The following GOLT1B variants were observed in gnomAD, a reference collection of about 807,000 sequenced individuals.
GOLT1B encodes golgi transport 1B, also known as vesicle transport protein GOT1B.
Under a neutral mutation model 15.4 loss-of-function variants are expected in GOLT1B, and 3 were observed. The ratio of observed to expected loss-of-function variants is 0.19; its 90% CI spans 0.09 to 0.50. GOLT1B has a LOEUF of 0.50. Among genes scored for constraint, GOLT1B ranks in the 20% least tolerant of loss-of-function variants. The pLI is 0.97. For missense variants in GOLT1B, 145 were observed against 160.4 expected (o/e 0.90, Z 0.52); for synonymous variants, 65 against 56.2 (o/e 1.16, Z -0.70).
chr12:21,503,141 G>A (rs1943650487), intron 1 of GOLT1B, among the ~76,000 whole-genome samples: 1 of 152,174 alleles, frequency 6.6e-6, no homozygotes, highest in South Asian at 2.1e-4. Flanking sequence ...TCTGATCAAA[G>A]AAAATAAAAG....
intron 3 of GOLT1B, among the ~76,000 whole-genome samples, chr12:21,510,702 C>T (rs998510661): frequency 3.9e-5 from 6 of 152,198 alleles, no homozygotes; most frequent in African/African-American, 1.4e-4. Flanking sequence ...TTCATTACTA[C>T]TAGAAAATGA....
At chr12:21,507,828 A>AT in intron 2 of GOLT1B, 1 of 381,244 alleles carries the variant, frequency 2.6e-6, no homozygotes, top group South Asian at 2.0e-5. Context: ...ACATGGTTGT[A>AT]TTTTTATTTC....
At chr12:21,507,394 G>A (rs1236841032) in intron 2 of GOLT1B, 1 of 212,450 alleles carries the variant, frequency 4.7e-6, no homozygotes, top group Non-Finnish European at 9.5e-6. Flanking sequence ...CTATGTTAAT[G>A]GTTGACTTGC....
At chr12:21,502,993 A>G (rs1943647788) in intron 1 of GOLT1B, among the ~76,000 whole-genome samples, 2 of 152,312 alleles carry the variant, frequency 1.3e-5, no homozygotes, top group South Asian at 4.1e-4. Flanking sequence ...GACCAACTTC[A>G]CAGAGCTTCT....
intron 4 of GOLT1B, among the ~76,000 whole-genome samples, chr12:21,514,088 G>C (rs545885612): frequency 1.3e-5 from 2 of 152,288 alleles, no homozygotes; most frequent in African/African-American, 4.8e-5. Context: ...ATTTCTAAAA[G>C]AATCTAGGTG....
At chr12:21,515,576 G>C (rs1417995005) in intron 4 of GOLT1B, 93 bp from the exon 5 acceptor site, 3 of 724,550 alleles carry the variant, frequency 4.1e-6, no homozygotes, top group Non-Finnish European at 4.8e-6. Context: ...TTCTTGTAAG[G>C]CTGGGTTTTT....
chr12:21,518,279 A>G lies in GOLT1B; in HGVS notation c.*2572A>G, dbSNP rs529720811. The G allele has an allele frequency of 3.4e-4, 52 of 152,280 alleles. No individual in the cohort carries two copies. Among genetic ancestry groups the G allele is most frequent in the African/African-American group, 1.2e-3 (48 of 41,584 alleles). 9.4% of individuals were successfully genotyped at this position (152,280 alleles called of 1,614,324 possible). A position where few individuals can be genotyped will look rare whatever the true frequency, so the allele number is the denominator to read the frequency against. On this transcript the variant is annotated 3_prime_UTR_variant, in exon 5 of 5. Transcript: ENST00000229314. ...GTTCTATTTATCAAATGATCTTCAC[A>G]TCTTTCATTTCCAAATTGTTGAAAT... is the stretch of plus-strand genomic sequence containing the variant.
rs11046093 is a variant in GOLT1B at position 21,508,773 on chromosome 12, C to G, written c.296+212C>G. Among the ~76,000 whole-genome samples, 71,498 of 152,018 alleles carry G rather than the reference C, an allele frequency of 0.47. 17,654 individuals are homozygous for G. The highest frequency in any genetic ancestry group is 0.67 in the East Asian group (3,477 of 5,168). ...AATGGTATAAATTATCTTGTTTTGT[C>G]AGCACAATAAAGTTTATTTTATTGG... On this transcript the variant is annotated intron_variant, in intron 3 of 4. Transcript: ENST00000229314.
chr12:21,507,378 A>G (rs1943686254), intron 2 of GOLT1B: 2 of 215,686 alleles, frequency 9.3e-6, no homozygotes, highest in Non-Finnish European at 1.9e-5. Context: ...TTAAAAATAT[A>G]TATTTCTATG....
rs536950746 is a variant in GOLT1B, at chr12:21,506,704, A to G, written c.26-181A>G. Reference sequence around the variant, plus strand: ...CATTCATGTTTTAAATTTTGAAATAATTTGCTGATAATTAATTTGTTATAA... The same window carrying G: ...CATTCATGTTTTAAATTTTGAAATAGTTTGCTGATAATTAATTTGTTATAA... On this transcript the variant is annotated intron_variant, in intron 1 of 4. Coordinates refer to ENST00000229314, the MANE Select transcript of GOLT1B (RefSeq NM_016072.5). Among the ~76,000 whole-genome samples the G allele has an allele frequency of 2.6e-5, 4 of 152,130 alleles. No individual in the cohort carries two copies. In the South Asian group the frequency reaches 8.3e-4, roughly 31 times the overall value.
chr12:21,516,802 C>T lies in GOLT1B; in HGVS notation c.*1095C>T, dbSNP rs1164606382. The T allele has an allele frequency of 1.3e-5, 2 of 151,942 alleles. No homozygotes were observed. Among genetic ancestry groups the T allele is most frequent in the Non-Finnish European group, 2.9e-5 (2 of 67,890 alleles). 9.4% of individuals were successfully genotyped at this position (151,942 alleles called of 1,614,324 possible). A position where few individuals can be genotyped will look rare whatever the true frequency, so the allele number is the denominator to read the frequency against. ...ATAATAGTCATTAAGCATGACATAT[C>T]CTTCATATGATCACTCATCTTGAGT... On this transcript the variant is annotated 3_prime_UTR_variant, in exon 5 of 5. Transcript: ENST00000229314.
intron 4 of GOLT1B, chr12:21,515,266 TA>T: frequency 6.9e-7 from 1 of 1,442,832 alleles, no homozygotes; most frequent in Non-Finnish European, 9.4e-7. Flanking sequence ...AGATCCACAG[TA>T]ATGGTCAGTT....
intron 1 of GOLT1B, among the ~76,000 whole-genome samples, chr12:21,503,842 T>A (rs1248993119): frequency 7.1e-6 from 1 of 141,354 alleles, no homozygotes; most frequent in Non-Finnish European, 1.5e-5. Flanking sequence ...TTCATGATTA[T>A]TTTAAGGCAT....
chr12:21,503,294 T>A (rs147937371), intron 1 of GOLT1B, among the ~76,000 whole-genome samples: 100 of 152,364 alleles, frequency 6.6e-4, no homozygotes, highest in African/African-American at 2.3e-3. Flanking sequence ...CACAGAAGCA[T>A]GCCCCTTTCA....
intron 3 of GOLT1B, among the ~76,000 whole-genome samples, chr12:21,511,488 C>T (rs1305848028): frequency 5.3e-5 from 8 of 152,154 alleles, no homozygotes. Flanking sequence ...TCACAGCCCC[C>T]CTCCCCTTCG....
At chr12:21,504,465 T>C (rs1032361921) in intron 1 of GOLT1B, 3 of 444,828 alleles carry the variant, frequency 6.7e-6, no homozygotes, top group Non-Finnish European at 1.4e-5. Context: ...TTTTGGGCAA[T>C]GTCTCCCGCT....
At chr12:21,504,127 T>C (rs904392367) in intron 1 of GOLT1B, among the ~76,000 whole-genome samples, 1 of 152,278 alleles carries the variant, frequency 6.6e-6, no homozygotes, top group African/African-American at 2.4e-5. Flanking sequence ...TCTTTCCTTA[T>C]ACAATTTCCA....
chr12:21,507,011 T>C (rs377152793), intron 2 of GOLT1B, 35 bp downstream of exon 2: 2 of 839,546 alleles, frequency 2.4e-6, no homozygotes, highest in East Asian at 5.3e-5. Context: ...ACTAAATTTA[T>C]AAGGAAATTT....
At position 21,515,656 on chromosome 12, in the gene GOLT1B, C is replaced by T. The variant is rs775512604; in HGVS notation, c.379-13C>T. ...GGGCTTTCTTTAATTCTCTGTTTTT[C>T]TTCTCCTTACAGTTTGTAGATAAAG... On this transcript the variant is annotated splice_polypyrimidine_tract_variant and intron_variant, in intron 4 of 4. Coordinates refer to ENST00000229314, the MANE Select transcript of GOLT1B (RefSeq NM_016072.5). The T allele has an allele frequency of 2.3e-6, 3 of 1,301,558 alleles. No homozygotes were observed. 80.6% of individuals were successfully genotyped at this position (1,301,558 alleles called of 1,614,324 possible). A position where few individuals can be genotyped will look rare whatever the true frequency, so the allele number is the denominator to read the frequency against.
Sources: gnomAD v4.1 joint callset for allele counts (sites outside exome capture counted in the v4.1 genomes callset) on GRCh38, gnomAD v4.1.1 for gene constraint, MANE v1.5 for transcripts, NCBI Gene and HGNC (gene_info 2026-07-23, HGNC 2026-07-21) for gene names.